Variants in ANTXRL observed in about 807,000 individuals in gnomAD.
ANTXRL encodes the protein anthrax toxin receptor-like.
In ANTXRL, 63 loss-of-function variants were observed where a neutral mutation model predicts 75.4. That is an observed-to-expected ratio of 0.84 (90% CI 0.68 to 1.03). The LOEUF (loss-of-function observed/expected upper bound fraction) is 1.03, where lower values mean the gene tolerates loss of function less well. ANTXRL is among the 50% of genes least tolerant of loss of function. The pLI is 0.00. For missense variants in ANTXRL, 797 were observed against 789.4 expected, an observed-to-expected ratio of 1.01 and a Z score of -0.12; for synonymous variants, 335 against 291.3, an observed-to-expected ratio of 1.15 and a Z score of -1.53.
At chr10:46,318,144 C>T (rs1006615963) in intron 16 of ANTXRL, among the ~76,000 whole-genome samples, 13 of 152,194 alleles carry the variant, frequency 8.5e-5, no homozygotes, top group African/African-American at 1.7e-4. Flanking sequence ...GGTCCTGCTC[C>T]GGAGGATCCC....
chr10:46,294,132 C>A, intron 3 of ANTXRL: 1 of 549,446 alleles, frequency 1.8e-6, no homozygotes, highest in Non-Finnish European at 3.2e-6. Context: ...TCTCAGCCTC[C>A]CCCACTTCAC....
chr10:46,309,180 T>C lies in ANTXRL; in HGVS notation c.1112T>C (p.Val371Ala). The C allele has an allele frequency of 6.5e-6, 10 of 1,528,414 alleles. No homozygotes were observed. Among genetic ancestry groups the C allele is most frequent in the Non-Finnish European group, 8.7e-6 (10 of 1,146,384 alleles). The allele number at this position is 1,528,414 out of a possible 1,614,324, so 94.7% of individuals were successfully genotyped here. A position where few individuals can be genotyped will look rare whatever the true frequency, so the allele number is the denominator to read the frequency against. ...CTTGTGCCACTGCTGCTGTGTTGTG[T>C]CTGGCGGCTGTGCCGCAAGCAGGCA... ...LLLVPLLLCC[V>A]WRLCRKQTVK... Residue 371 changes from valine to alanine, a missense_variant, in exon 13 of 17, where the codon GTC becomes GCC. Physicochemically the swap from Val to Ala is moderately conservative, Grantham distance 64. This residue lies in a region of ANTXRL where 479 missense variants were observed against 422.0 expected (regional missense o/e 1.14). Coordinates refer to ENST00000620264, the MANE Select transcript of ANTXRL (RefSeq NM_001278688.3).
At chr10:46,307,171 G>A (rs1471602045) in intron 11 of ANTXRL, among the ~76,000 whole-genome samples, 2 of 152,150 alleles carry the variant, frequency 1.3e-5, no homozygotes, top group Non-Finnish European at 1.5e-5. Context: ...AAATACAGAA[G>A]AGCCAGGATG....
In ANTXRL at chr10:46,329,885, A is replaced by AAGC; in HGVS notation, c.1699_1701dup (p.Ala567dup). On this transcript the variant is annotated inframe_insertion, in exon 17 of 17. Transcript: ENST00000620264. Reference sequence around the variant, plus strand: ...AGACACAGCCCGGAGTACTTTTCCCAAGCACAGACTCTGTGCAACCCAAAG... The same window carrying AAGC: ...AGACACAGCCCGGAGTACTTTTCCCAAGCAGCACAGACTCTGTGCAACCCAAAG... 6.5e-7 allele frequency: 1 copy of AAGC among 1,535,586 alleles called. No homozygotes were observed. The highest frequency in any genetic ancestry group is 1.2e-5 in the South Asian group (1 of 84,026).
intron 1 of ANTXRL, 48 bp from the exon 2 acceptor site, chr10:46,292,010 T>C (rs1192368740): frequency 6.6e-7 from 1 of 1,510,130 alleles, no homozygotes; most frequent in Non-Finnish European, 8.9e-7. Flanking sequence ...CACTTGCCCA[T>C]CGGAGAGATG....
At chr10:46,293,575 G>A (rs80330436) in intron 2 of ANTXRL, among the ~76,000 whole-genome samples, 35 of 67,402 alleles carry the variant, frequency 5.2e-4, no homozygotes, top group South Asian at 1.7e-3. Flanking sequence ...CTGTGTGTGC[G>A]CGTGTGTGTG....
Position 46,297,469 on chromosome 10 carries a change from G to C in ANTXRL, c.649G>C (p.Asp217His). The C allele has an allele frequency of 6.5e-7, 1 of 1,535,688 alleles. No homozygotes were observed. The highest frequency in any genetic ancestry group is 8.7e-7 in the Non-Finnish European group (1 of 1,146,682). ...YTLGVADYNL[D>H]QITAIADSPG... ...CCTGGGTGTGGCTGATTATAATCTG[G>C]ATCAGGTAATTCCAAGCAGGTAACC... The change falls in exon 7 of 17, where the codon GAT (aspartate) becomes CAT (histidine). Residue 217 changes from aspartate to histidine, a missense_variant. By Grantham distance (81) the Asp-to-His change is moderately conservative. Transcript: ENST00000620264.
chr10:46,296,896 C>T (rs1236582743), intron 5 of ANTXRL, among the ~76,000 whole-genome samples: 1 of 152,200 alleles, frequency 6.6e-6, no homozygotes, highest in Non-Finnish European at 1.5e-5. Flanking sequence ...GCTCCTCCCT[C>T]TGCCCGTGGG....
chr10:46,305,902 GACTCC>G (rs1461077396), intron 10 of ANTXRL, among the ~76,000 whole-genome samples: 1 of 151,950 alleles, frequency 6.6e-6, no homozygotes, highest in African/African-American at 2.4e-5. Flanking sequence ...TGTCATCTTT[GACTCC>G]TCTGAGCTTC....
At chr10:46,312,041 A>G (rs374947012) in intron 15 of ANTXRL, among the ~76,000 whole-genome samples, 1 of 146,142 alleles carries the variant, frequency 6.8e-6, no homozygotes, top group African/African-American at 2.5e-5. Context: ...GCATGAGTCA[A>G]GCAACCTGAG....
intron 12 of ANTXRL, chr10:46,308,756 G>A: frequency 2.8e-6 from 1 of 358,804 alleles, no homozygotes; most frequent in Non-Finnish European, 5.3e-6. Flanking sequence ...GATGGACCCG[G>A]GTCTCCTGCC....
chr10:46,319,734 G>T (rs567825624), intron 16 of ANTXRL, among the ~76,000 whole-genome samples: 7 of 152,136 alleles, frequency 4.6e-5, no homozygotes, highest in African/African-American at 1.7e-4. Context: ...ACCCAAGTTT[G>T]TCATCCACCA....
At chr10:46,305,352 C>T (rs1838010492) in intron 10 of ANTXRL, among the ~76,000 whole-genome samples, 1 of 152,138 alleles carries the variant, frequency 6.6e-6, no homozygotes, top group African/African-American at 2.4e-5. Flanking sequence ...AACAGAAATG[C>T]TATTTATTCA....
intron 7 of ANTXRL, among the ~76,000 whole-genome samples, 156 bp from the exon 8 acceptor site, chr10:46,297,675 C>G (rs1235725459): frequency 6.6e-6 from 1 of 152,144 alleles, no homozygotes; most frequent in Non-Finnish European, 1.5e-5. Flanking sequence ...TCCCCGCTCC[C>G]TAAGAGTGGG....
chr10:46,316,722 C>T (rs1168216832), intron 16 of ANTXRL, among the ~76,000 whole-genome samples: 1 of 152,140 alleles, frequency 6.6e-6, no homozygotes, highest in Non-Finnish European at 1.5e-5. Context: ...TGTCACACGG[C>T]AGGTCCTCAA....
chr10:46,312,093 C>A (rs1439594144), intron 15 of ANTXRL, among the ~76,000 whole-genome samples: 1 of 147,194 alleles, frequency 6.8e-6, no homozygotes, highest in East Asian at 2.0e-4. Flanking sequence ...ATAGAAATGA[C>A]CAGTCCTGAC....
Position 46,297,986 on chromosome 10 carries a change from C to G in ANTXRL, c.736-16C>G. 6.5e-7 allele frequency: 1 copy of G among 1,535,868 alleles called. No individual in the cohort carries two copies. Among genetic ancestry groups the G allele is most frequent in the South Asian group, 1.2e-5 (1 of 84,046 alleles). On this transcript the variant is annotated splice_polypyrimidine_tract_variant and intron_variant, in intron 8 of 16. Coordinates refer to ENST00000620264, the MANE Select transcript of ANTXRL (RefSeq NM_001278688.3). ...GCTCACTCTCCCTGTCCCGCCCCAC[C>G]CCTCCTGTGTTCCAGCTCACGTCAA...
intron 1 of ANTXRL, among the ~76,000 whole-genome samples, chr10:46,287,751 T>C (rs1446466484): frequency 6.6e-6 from 1 of 152,130 alleles, no homozygotes; most frequent in Non-Finnish European, 1.5e-5. Flanking sequence ...TTCTGGACGA[T>C]TCCCTACCCC....
rs1257850602 is a variant in ANTXRL, at chr10:46,287,119, A to G, written c.-144A>G. ...CTGGGGAGGTACCTGGTGGAGGGCC[A>G]TAGTGTGCACTGGTGAAAGGGCAGG... On this transcript the variant is annotated 5_prime_UTR_variant, in exon 1 of 17. Transcript: ENST00000620264. The G allele has an allele frequency of 2.1e-5, 22 of 1,069,540 alleles. No homozygotes were observed. The African/African-American group carries it at 3.4e-4, about 16-fold the overall frequency. 66.3% of individuals were successfully genotyped at this position (1,069,540 alleles called of 1,614,324 possible). A position where few individuals can be genotyped will look rare whatever the true frequency, so the allele number is the denominator to read the frequency against.
Sources: allele counts gnomAD v4.1 joint callset (sites outside exome capture counted in the v4.1 genomes callset), GRCh38; gene constraint gnomAD v4.1.1; regional missense constraint gnomAD v4.1.1; transcripts MANE v1.5; gene names NCBI Gene and HGNC (gene_info 2026-07-23, HGNC 2026-07-21).